Variants in MAF observed in about 807,000 individuals in gnomAD.
The protein encoded by MAF is transcription factor Maf.
MAF carries 10 observed loss-of-function variants against 22.0 expected under a neutral mutation model. The ratio of observed to expected loss-of-function variants is 0.45; its 90% CI spans 0.28 to 0.77. The LOEUF (loss-of-function observed/expected upper bound fraction) is 0.77, where lower values mean the gene tolerates loss of function less well. MAF is among the 30% of genes least tolerant of loss of function. The pLI is 0.12. For missense variants in MAF, 544 were observed against 548.4 expected (o/e 0.99, Z 0.08); for synonymous variants, 337 against 255.8 (o/e 1.32, Z -3.03).
chr16:79,501,594 C>A, the MAF span, among the ~76,000 whole-genome samples: 85 of 152,286 alleles, frequency 5.6e-4, no homozygotes, highest in African/African-American at 1.9e-3. Flanking sequence ...ACACAAATCT[C>A]ACAGAGACAC....
At chr16:79,210,201 G>A in the MAF span, among the ~76,000 whole-genome samples, 5 of 152,260 alleles carry the variant, frequency 3.3e-5, no homozygotes, top group East Asian at 3.9e-4. Context: ...CAACTCCATT[G>A]TTACTAGATA....
the MAF span, among the ~76,000 whole-genome samples, chr16:79,292,002 G>A: frequency 3.3e-5 from 5 of 151,692 alleles, no homozygotes; most frequent in Admixed American, 6.6e-5. Context: ...TCAAACAGAC[G>A]AGGAAACTGA....
chr16:79,231,446 C>G, the MAF span, among the ~76,000 whole-genome samples: 1 of 151,992 alleles, frequency 6.6e-6, no homozygotes, highest in African/African-American at 2.4e-5. Context: ...GAAATAAAAC[C>G]ATCTATTGAA....
downstream of MAF, among the ~76,000 whole-genome samples, chr16:79,590,705 TG>T (rs568311173): frequency 3.1e-3 from 466 of 152,006 alleles, 3 homozygotes; most frequent in African/African-American, 0.01. Flanking sequence ...TGGGAGGTTT[TG>T]GGGGGACTCT....
At chr16:79,495,279 T>C in the MAF span, among the ~76,000 whole-genome samples, 5 of 152,062 alleles carry the variant, frequency 3.3e-5, no homozygotes, top group African/African-American at 1.2e-4. Context: ...CTAGACAACA[T>C]AGTGAGACCC....
At chr16:79,304,535 A>G in the MAF span, among the ~76,000 whole-genome samples, 1 of 152,182 alleles carries the variant, frequency 6.6e-6, no homozygotes, top group African/African-American at 2.4e-5. Context: ...TCTCACTACC[A>G]GAACTAGCCC....
chr16:79,517,587 T>C, the MAF span, among the ~76,000 whole-genome samples: 2 of 96,916 alleles, frequency 2.1e-5, no homozygotes, highest in African/African-American at 6.9e-5. Flanking sequence ...TTTTTTTTTT[T>C]TTTTTGAGAT....
the MAF span, among the ~76,000 whole-genome samples, chr16:79,372,447 G>A: frequency 6.6e-6 from 1 of 152,154 alleles, no homozygotes; most frequent in Non-Finnish European, 1.5e-5. Context: ...TCGACAAAAG[G>A]CCAAATTTTC....
At chr16:79,363,704 G>A in the MAF span, among the ~76,000 whole-genome samples, 6 of 152,166 alleles carry the variant, frequency 3.9e-5, no homozygotes, top group East Asian at 5.8e-4. Flanking sequence ...CATAAAGGAA[G>A]AAATGGTTAA....
chr16:79,482,393 C>G, the MAF span, among the ~76,000 whole-genome samples: 1 of 152,198 alleles, frequency 6.6e-6, no homozygotes, highest in Admixed American at 6.5e-5. Flanking sequence ...CCTGAAATCT[C>G]TGCAAGGGTG....
At chr16:79,593,494 G>C (rs991847274), downstream of MAF, among the ~76,000 whole-genome samples, 1 of 152,138 alleles carries the variant, frequency 6.6e-6, no homozygotes, top group Non-Finnish European at 1.5e-5. Context: ...AAAATGACTG[G>C]GGTAAAGGCA....
At chr16:79,529,929 C>T in the MAF span, among the ~76,000 whole-genome samples, 1 of 150,974 alleles carries the variant, frequency 6.6e-6, no homozygotes, top group East Asian at 1.9e-4. Context: ...CTACTGTGCT[C>T]CAGCCTGGGC....
At chr16:79,275,957 C>T in the MAF span, among the ~76,000 whole-genome samples, 18 of 152,004 alleles carry the variant, frequency 1.2e-4, 1 homozygote, top group Admixed American at 1.3e-4. Context: ...CTGGCTAACA[C>T]GGTGAAATCC....
the MAF span, among the ~76,000 whole-genome samples, chr16:79,423,699 A>T: frequency 1.4e-4 from 21 of 152,314 alleles, no homozygotes; most frequent in African/African-American, 5.1e-4. Context: ...TATAGCAAAA[A>T]TACACCAACT....
the MAF span, among the ~76,000 whole-genome samples, chr16:79,530,303 G>A: frequency 2.6e-5 from 4 of 152,112 alleles, no homozygotes; most frequent in Non-Finnish European, 5.9e-5. Context: ...CAAATGGGCT[G>A]GGGGGTGGAC....
chr16:79,258,891 C>G, the MAF span, among the ~76,000 whole-genome samples: 2 of 152,138 alleles, frequency 1.3e-5, no homozygotes, highest in Non-Finnish European at 2.9e-5. Flanking sequence ...TGCTGTGCGA[C>G]TAGGGGAGGG....
the MAF span, among the ~76,000 whole-genome samples, chr16:79,333,811 A>G: frequency 6.6e-6 from 1 of 151,306 alleles, no homozygotes; most frequent in East Asian, 1.9e-4. Context: ...CCAGCATCTC[A>G]CCTGGATCTG....
chr16:79,557,199 G>C, the MAF span, among the ~76,000 whole-genome samples: 3 of 151,256 alleles, frequency 2.0e-5, no homozygotes, highest in African/African-American at 7.3e-5. Context: ...GCTAGTGCCA[G>C]CTACATCTAC....
the MAF span, among the ~76,000 whole-genome samples, chr16:79,316,594 C>A: frequency 6.6e-6 from 1 of 152,318 alleles, no homozygotes; most frequent in African/African-American, 2.4e-5. Context: ...GAAGGTGCCA[C>A]CAGTCACTCC....
Sources: allele counts gnomAD v4.1 joint callset (sites outside exome capture counted in the v4.1 genomes callset), GRCh38; gene constraint gnomAD v4.1.1; transcripts MANE v1.5; gene names NCBI Gene and HGNC (gene_info 2026-07-23, HGNC 2026-07-21).